Variants in STK10 observed in about 807,000 individuals in gnomAD.
STK10 encodes the protein serine/threonine-protein kinase 10.
In STK10, 78 loss-of-function variants were observed where a neutral mutation model predicts 113.8. That is an observed-to-expected ratio of 0.69 (90% CI 0.57 to 0.83). The LOEUF (loss-of-function observed/expected upper bound fraction) is 0.83, where lower values mean the gene tolerates loss of function less well. STK10 is among the 40% of genes least tolerant of loss of function. The pLI, the probability that STK10 is intolerant of heterozygous loss-of-function variation, is 0.00. For missense variants in STK10, 1,109 were observed against 1,280.1 expected (o/e 0.87, Z 2.04); for synonymous variants, 465 against 494.7 (o/e 0.94, Z 0.80).
At position 172,093,647 on chromosome 5, in the gene STK10, G is replaced by A. The variant is rs990302264; in HGVS notation, c.1319C>T (p.Ala440Val). The A allele has an allele frequency of 1.2e-6, 2 of 1,614,148 alleles. No individual in the cohort carries two copies. Among genetic ancestry groups the A allele is most frequent in the Non-Finnish European group, 8.5e-7 (1 of 1,180,058 alleles). ...GCTGGCCTTTTGAGATCTGTTGGCT[G>A]CTGGGCTGAGGTCCCCACCCTGCTC... ...VAEQGGDLSP[A>V]ANRSQKASQS... The change falls in exon 9 of 19, where the codon GCA (alanine) becomes GTA (valine). Residue 440 changes from alanine (A) to valine (V), a missense_variant. Transcript: ENST00000176763. The surrounding 1 kb of genome is among the most constrained non-coding windows in gnomAD (Gnocchi z 4.1).
chr5:172,116,411 A>G (rs2113776910), intron 4 of STK10, among the ~76,000 whole-genome samples: 1 of 152,210 alleles, frequency 6.6e-6, no homozygotes, highest in South Asian at 2.1e-4. Flanking sequence ...AATGCATTGT[A>G]GCCATATCAT....
At chr5:172,086,404 A>T (rs1441454016) in intron 10 of STK10, among the ~76,000 whole-genome samples, 1 of 152,322 alleles carries the variant, frequency 6.6e-6, no homozygotes, top group Non-Finnish European at 1.5e-5. Flanking sequence ...GGTTTAGAGA[A>T]GAACTGACAA....
chr5:172,110,289 G>A (rs1769210788), intron 4 of STK10, among the ~76,000 whole-genome samples: 1 of 152,220 alleles, frequency 6.6e-6, no homozygotes. Context: ...ATGGAGGGAG[G>A]GCTGGGGGCT....
intron 12 of STK10, among the ~76,000 whole-genome samples, chr5:172,072,598 C>A (rs981192553): frequency 6.6e-6 from 1 of 152,118 alleles, no homozygotes; most frequent in Non-Finnish European, 1.5e-5. Context: ...TCAGCTTCTG[C>A]GTCTGTATAA....
intron 4 of STK10, among the ~76,000 whole-genome samples, chr5:172,116,451 G>C (rs545536963): frequency 4.6e-5 from 7 of 152,254 alleles, no homozygotes; most frequent in Non-Finnish European, 1.0e-4. Flanking sequence ...CATGAGAAGA[G>C]CTCAAAGCGC....
chr5:172,070,381 C>G (rs761114289), intron 12 of STK10, among the ~76,000 whole-genome samples: 3 of 151,394 alleles, frequency 2.0e-5, no homozygotes, highest in Admixed American at 6.6e-5. Flanking sequence ...AAACAACAAG[C>G]TTTTAAATAA....
At chr5:172,045,269 A>G (rs1163333495) in intron 18 of STK10, among the ~76,000 whole-genome samples, 5 of 152,132 alleles carry the variant, frequency 3.3e-5, no homozygotes, top group Admixed American at 1.3e-4. Context: ...GGAAATGTCA[A>G]TCTAGACGGG....
At chr5:172,117,810 C>A (rs1314533468) in intron 3 of STK10, among the ~76,000 whole-genome samples, 180 bp from the exon 4 acceptor site, 2 of 151,932 alleles carry the variant, frequency 1.3e-5, no homozygotes, top group Non-Finnish European at 2.9e-5. Context: ...GTCAGGGGTT[C>A]AAGGCCAGCC....
chr5:172,173,203 C>T (rs1770693600), intron 1 of STK10, among the ~76,000 whole-genome samples: 1 of 152,016 alleles, frequency 6.6e-6, no homozygotes, highest in Admixed American at 6.6e-5. Flanking sequence ...GTGGGGAGGG[C>T]AGTGAGGGCC....
At position 172,083,009 on chromosome 5, in the gene STK10, A is replaced by G. The variant is rs759298062; in HGVS notation, c.1761T>C (p.His587=). ...HRNQTQLSNK[H]ELQLEQMHKR... ...TATGCATTTGCTCCAGCTGCAGCTC[A>G]TGCTTGTTACTCAGCTGGGTCTGGT... The change falls in exon 11 of 19, where the codon CAT becomes CAC. Residue 587 remains histidine (H), a synonymous_variant. Transcript: ENST00000176763. 6.2e-7 allele frequency: 1 copy of G among 1,613,954 alleles called. No homozygotes were observed. Among genetic ancestry groups the G allele is most frequent in the South Asian group, 1.1e-5 (1 of 91,054 alleles).
chr5:172,112,242 T>C (rs973199656), intron 4 of STK10, among the ~76,000 whole-genome samples: 4 of 152,174 alleles, frequency 2.6e-5, no homozygotes, highest in African/African-American at 7.2e-5. Context: ...CAAGTGCAGG[T>C]ACTCCAGTAG....
At position 172,188,090 on chromosome 5, in the gene STK10, C is replaced by T. The variant is rs1427480833; in HGVS notation, c.-48G>A. ...GCTCGGGCTCGGGCTCGGGCTCGGG[C>T]TGTGGCTTCGGCGGCCGCGAGGAGA... On this transcript the variant is annotated 5_prime_UTR_variant, in exon 1 of 19. Coordinates refer to ENST00000176763, the MANE Select transcript of STK10 (RefSeq NM_005990.4). This position sits in a 1 kb window ranked among gnomAD's most constrained non-coding sequence, Gnocchi z 5.6. The T allele has an allele frequency of 6.3e-7, 1 of 1,589,078 alleles. No individual in the cohort carries two copies. The highest frequency in any genetic ancestry group is 2.3e-5 in the East Asian group (1 of 44,052).
chr5:172,124,891 T>C (rs1226989706), intron 3 of STK10, among the ~76,000 whole-genome samples: 5 of 152,146 alleles, frequency 3.3e-5, no homozygotes, highest in East Asian at 1.9e-4. Context: ...TATATTTTTT[T>C]CCCCCACTAT....
intron 1 of STK10, among the ~76,000 whole-genome samples, chr5:172,177,600 C>T (rs760583582): frequency 2.6e-5 from 4 of 152,202 alleles, no homozygotes; most frequent in African/African-American, 4.8e-5. Flanking sequence ...AAGTGCAACA[C>T]CCACCAATTT....
At chr5:172,180,866 T>C (rs987790597) in intron 1 of STK10, among the ~76,000 whole-genome samples, 1 of 152,202 alleles carries the variant, frequency 6.6e-6, no homozygotes, top group African/African-American at 2.4e-5. Flanking sequence ...CAAGATACAG[T>C]TGGCTCTGTG....
chr5:172,116,638 C>T (rs956996729), intron 4 of STK10, among the ~76,000 whole-genome samples: 4 of 151,780 alleles, frequency 2.6e-5, no homozygotes, highest in African/African-American at 7.3e-5. Flanking sequence ...GAGGCCGAGG[C>T]GGGTGGTTCA....
At chr5:172,102,420 A>G (rs1769008803) in intron 7 of STK10, among the ~76,000 whole-genome samples, 1 of 152,126 alleles carries the variant, frequency 6.6e-6, no homozygotes, top group African/African-American at 2.4e-5. Context: ...GTTCAGTGTG[A>G]GATGCCCACT....
At chr5:172,177,127 C>T (rs1770774191) in intron 1 of STK10, among the ~76,000 whole-genome samples, 1 of 150,460 alleles carries the variant, frequency 6.6e-6, no homozygotes, top group Non-Finnish European at 1.5e-5. Context: ...CAGTGAGCCG[C>T]GATCATGCCA....
In STK10 at chr5:172,055,570, C is replaced by T. The variant is rs748178739; in HGVS notation, c.2526+18G>A. On this transcript the variant is annotated intron_variant, in intron 16 of 18. Transcript: ENST00000176763. ...TACACCCCAGCACACTTGCAGACCC[C>T]GCAGGCCCGGCCCCCACCTGCTTGA... The T allele has an allele frequency of 9.7e-6, 14 of 1,443,438 alleles. No individual in the cohort carries two copies. The highest frequency in any genetic ancestry group is 5.0e-5 in the Admixed American group (2 of 40,158). The allele number at this position is 1,443,438 out of a possible 1,614,324, so 89.4% of individuals were successfully genotyped here.
Sources: allele counts gnomAD v4.1 joint callset (sites outside exome capture counted in the v4.1 genomes callset), GRCh38; gene constraint gnomAD v4.1.1; non-coding constraint Gnocchi (gnomAD v3.1); transcripts MANE v1.5; gene names NCBI Gene and HGNC (gene_info 2026-07-23, HGNC 2026-07-21).